Variants in ENOX1 observed in about 807,000 individuals in gnomAD.
The protein encoded by ENOX1 is candidate growth-related and time keeping constitutive hydroquinone (NADH) oxidase.
A neutral mutation model predicts 82.5 loss-of-function variants in ENOX1; 42 were observed. That is an observed-to-expected ratio of 0.51 (90% CI 0.40 to 0.66). ENOX1 has a LOEUF of 0.66. Among genes scored for constraint, ENOX1 ranks in the 30% least tolerant of loss-of-function variants. The pLI is 0.00. For synonymous variants in ENOX1, 271 were observed against 282.2 expected, an observed-to-expected ratio of 0.96 and a Z score of 0.40; for missense variants, 608 against 811.6, an observed-to-expected ratio of 0.75 and a Z score of 3.05.
intron 1 of ENOX1, among the ~76,000 whole-genome samples, chr13:43,763,055 A>G (rs966789687): frequency 6.6e-6 from 1 of 152,236 alleles, no homozygotes; most frequent in Non-Finnish European, 1.5e-5. Context: ...GGAGAAGTTG[A>G]AAATCTTAGA....
intron 2 of ENOX1, 110 bp from the exon 3 acceptor site, chr13:43,484,262 A>G (rs2058610826): frequency 1.6e-6 from 1 of 629,426 alleles, no homozygotes; most frequent in African/African-American, 2.0e-5. Context: ...ATTAATTTCT[A>G]TTATCAATTT....
At chr13:43,228,953 C>T (rs2042149890) in intron 15 of ENOX1, among the ~76,000 whole-genome samples, 3 of 152,218 alleles carry the variant, frequency 2.0e-5, no homozygotes. Context: ...TGTGGTTTGG[C>T]TATGTCCCCC....
intron 3 of ENOX1, among the ~76,000 whole-genome samples, chr13:43,463,800 T>G (rs767459000): frequency 3.3e-5 from 5 of 152,220 alleles, no homozygotes; most frequent in Non-Finnish European, 4.4e-5. Context: ...GAATTTGTAT[T>G]TTCATGACAA....
intron 14 of ENOX1, among the ~76,000 whole-genome samples, chr13:43,247,710 G>A (rs1481230927): frequency 6.7e-6 from 1 of 148,672 alleles, no homozygotes; most frequent in Admixed American, 6.7e-5. Context: ...AGTAGCAACA[G>A]TGCTGCCTTT....
rs1452889019 is a variant in ENOX1, at chr13:43,236,715, T to C, written c.1635A>G (p.Ala545=). 6.3e-7 allele frequency: 1 copy of C among 1,584,514 alleles called. No individual in the cohort carries two copies. The highest frequency in any genetic ancestry group is 1.4e-5 in the African/African-American group (1 of 73,070). The change falls in exon 15 of 17, where the codon GCA becomes GCG. Residue 545 remains alanine, a synonymous_variant. Transcript: ENST00000690772. ...TGTTCTCTCGGTCTTGGTTGACTAA[T>C]GCAACTGTCAACACATTGATTTCCT... is the stretch of plus-strand genomic sequence containing the variant. ...DSNEINVLTV[A]LVNQDRENNI... is the part of the protein sequence containing the mutation.
chr13:43,507,534 A>G (rs1415215804), intron 2 of ENOX1, among the ~76,000 whole-genome samples: 4 of 152,080 alleles, frequency 2.6e-5, no homozygotes, highest in Non-Finnish European at 5.9e-5. Context: ...TTTAACTTAT[A>G]TGTCTTAATC....
At chr13:43,340,730 C>T (rs1396208929) in intron 9 of ENOX1, among the ~76,000 whole-genome samples, 6 of 152,168 alleles carry the variant, frequency 3.9e-5, no homozygotes, top group Non-Finnish European at 8.8e-5. Context: ...GCAGATGATG[C>T]TAATATCAAT....
intron 1 of ENOX1, among the ~76,000 whole-genome samples, chr13:43,754,335 ATAT>A (rs1228677794): frequency 2.1e-5 from 3 of 143,426 alleles, no homozygotes; most frequent in African/African-American, 7.8e-5. Context: ...ATATATATAT[ATAT>A]TATTATTATT....
chr13:43,690,639 G>C (rs558512099), intron 1 of ENOX1, among the ~76,000 whole-genome samples: 9 of 152,188 alleles, frequency 5.9e-5, no homozygotes, highest in Admixed American at 2.6e-4. Flanking sequence ...GTGGATATAA[G>C]CAAGGAAAAA....
chr13:43,379,736 C>T (rs1217723476), intron 5 of ENOX1, among the ~76,000 whole-genome samples: 1 of 151,746 alleles, frequency 6.6e-6, no homozygotes, highest in Non-Finnish European at 1.5e-5. Flanking sequence ...GGGGCAAGAA[C>T]AAATATTTGA....
chr13:43,716,433 T>C (rs2088138595), intron 1 of ENOX1, among the ~76,000 whole-genome samples: 1 of 152,160 alleles, frequency 6.6e-6, no homozygotes, highest in South Asian at 2.1e-4. Flanking sequence ...CTGGGAGCTG[T>C]AGACCGGAGA....
intron 9 of ENOX1, among the ~76,000 whole-genome samples, chr13:43,334,307 G>T (rs1328707949): frequency 6.6e-6 from 1 of 152,220 alleles, no homozygotes. Flanking sequence ...CAGTGGTGAA[G>T]TTGGCAATGG....
At chr13:43,774,012 G>A (rs1437605861) in intron 1 of ENOX1, among the ~76,000 whole-genome samples, 1 of 152,106 alleles carries the variant, frequency 6.6e-6, no homozygotes. Flanking sequence ...AACTAGATGA[G>A]GAAACTCAGA....
chr13:43,491,455 G>A (rs78562130), intron 2 of ENOX1, among the ~76,000 whole-genome samples: 2,012 of 152,232 alleles, frequency 0.013, 45 homozygotes, highest in African/African-American at 0.046. Context: ...TCAGGCTATA[G>A]TGGTGATAAA....
At chr13:43,554,583 GTTTTTA>G (rs747905633) in intron 2 of ENOX1, among the ~76,000 whole-genome samples, 1 of 152,092 alleles carries the variant, frequency 6.6e-6, no homozygotes, top group Non-Finnish European at 1.5e-5. Flanking sequence ...ATCAGGTTTT[GTTTTTA>G]TTTTTGAGAC....
chr13:43,240,056 A>G (rs1219794558), intron 14 of ENOX1, among the ~76,000 whole-genome samples: 2 of 152,214 alleles, frequency 1.3e-5, no homozygotes, highest in African/African-American at 4.8e-5. Context: ...AATCTAAGTT[A>G]TCACATTTGT....
chr13:43,622,426 T>A (rs1394519338), intron 2 of ENOX1, among the ~76,000 whole-genome samples: 2 of 152,230 alleles, frequency 1.3e-5, no homozygotes, highest in Non-Finnish European at 2.9e-5. Flanking sequence ...GATTCTTTTG[T>A]CTCATGTGGT....
intron 14 of ENOX1, among the ~76,000 whole-genome samples, chr13:43,242,370 C>G (rs529509641): frequency 4.8e-4 from 73 of 152,354 alleles, no homozygotes; most frequent in Middle Eastern, 3.4e-3. Flanking sequence ...CTCCTCTTCT[C>G]TAGCTTTGGC....
intron 3 of ENOX1, among the ~76,000 whole-genome samples, chr13:43,481,721 G>C (rs1014840403): frequency 1.3e-5 from 2 of 151,962 alleles, no homozygotes; most frequent in African/African-American, 4.8e-5. Context: ...GAGTGAAAAG[G>C]CAACTTACAG....
Sources: allele counts gnomAD v4.1 joint callset (sites outside exome capture counted in the v4.1 genomes callset), GRCh38; gene constraint gnomAD v4.1.1; transcripts MANE v1.5; gene names NCBI Gene and HGNC (gene_info 2026-07-23, HGNC 2026-07-21).